GPC5: variants seen among roughly 807,000 people sequenced by gnomAD.
GPC5 encodes the protein glypican 5.
A neutral mutation model predicts 53.9 loss-of-function variants in GPC5; 47 were observed. That is an observed-to-expected ratio of 0.87 (90% CI 0.69 to 1.11). The LOEUF (loss-of-function observed/expected upper bound fraction) is 1.11. Among genes scored for constraint, GPC5 ranks in the 50% most tolerant of loss-of-function variants. GPC5 has a pLI of 0.00. For synonymous variants in GPC5, 286 were observed against 263.3 expected (o/e 1.09, Z -0.84); for missense variants, 748 against 713.1 (o/e 1.05, Z -0.56).
intron 2 of GPC5, among the ~76,000 whole-genome samples, chr13:91,665,914 C>T (rs2035101235): frequency 6.6e-6 from 1 of 152,188 alleles, no homozygotes; most frequent in Non-Finnish European, 1.5e-5. Flanking sequence ...CAAGTACTAA[C>T]ATTAAATTAG....
At chr13:91,544,564 G>C (rs999634734) in intron 2 of GPC5, among the ~76,000 whole-genome samples, 17 of 152,080 alleles carry the variant, frequency 1.1e-4, no homozygotes, top group Admixed American at 1.0e-3. Context: ...CTAAATTGTT[G>C]TTCAAAAAGT....
chr13:92,521,286 C>T (rs1480851812), intron 7 of GPC5, among the ~76,000 whole-genome samples: 2 of 152,078 alleles, frequency 1.3e-5, no homozygotes, highest in Non-Finnish European at 2.9e-5. Context: ...CTTTAAAGTT[C>T]ATATGGAAAC....
intron 7 of GPC5, among the ~76,000 whole-genome samples, chr13:92,854,152 T>G (rs1228406863): frequency 2.0e-5 from 3 of 150,650 alleles, no homozygotes; most frequent in African/African-American, 7.3e-5. Flanking sequence ...TGAGCTTTAA[T>G]TTATGTGCTA....
chr13:91,626,239 C>A (rs2033997149), intron 2 of GPC5, among the ~76,000 whole-genome samples: 1 of 152,074 alleles, frequency 6.6e-6, no homozygotes, highest in Non-Finnish European at 1.5e-5. Flanking sequence ...ACACTGAACA[C>A]AAATCAATAT....
At chr13:92,835,800 T>C (rs1239229444) in intron 7 of GPC5, among the ~76,000 whole-genome samples, 1 of 152,012 alleles carries the variant, frequency 6.6e-6, no homozygotes, top group Non-Finnish European at 1.5e-5. Context: ...CTCAACATCT[T>C]CACCAGAAAT....
chr13:91,903,671 T>C (rs1354571427), intron 5 of GPC5, among the ~76,000 whole-genome samples: 1 of 152,180 alleles, frequency 6.6e-6, no homozygotes. Context: ...GCAGTATTTT[T>C]CCTTATTTAT....
intron 7 of GPC5, among the ~76,000 whole-genome samples, chr13:92,363,658 C>T (rs2139284828): frequency 6.6e-6 from 1 of 151,734 alleles, no homozygotes; most frequent in East Asian, 1.9e-4. Flanking sequence ...GGACCCATAC[C>T]CTAGACAAAA....
At chr13:91,731,197 C>G (rs2036689659) in intron 4 of GPC5, among the ~76,000 whole-genome samples, 1 of 152,138 alleles carries the variant, frequency 6.6e-6, no homozygotes, top group Non-Finnish European at 1.5e-5. Flanking sequence ...GGTGTCAGGA[C>G]ATATTTGGAT....
At chr13:92,229,574 C>T (rs1351158211) in intron 7 of GPC5, among the ~76,000 whole-genome samples, 1 of 151,958 alleles carries the variant, frequency 6.6e-6, no homozygotes, top group Non-Finnish European at 1.5e-5. Context: ...ATGATGAAAT[C>T]AATGTGGACT....
intron 7 of GPC5, among the ~76,000 whole-genome samples, chr13:92,277,200 A>T (rs974755401): frequency 6.6e-6 from 1 of 152,040 alleles, no homozygotes; most frequent in Non-Finnish European, 1.5e-5. Context: ...ATTGTAGGGA[A>T]TTGACACCCA....
At chr13:92,793,762 G>A (rs1876555408) in intron 7 of GPC5, among the ~76,000 whole-genome samples, 1 of 152,118 alleles carries the variant, frequency 6.6e-6, no homozygotes, top group Non-Finnish European at 1.5e-5. Flanking sequence ...ACACCTCTAT[G>A]TAAATAAACT....
chr13:92,096,103 A>G (rs1368429264), intron 6 of GPC5, among the ~76,000 whole-genome samples: 2 of 152,210 alleles, frequency 1.3e-5, no homozygotes, highest in Non-Finnish European at 2.9e-5. Flanking sequence ...ACCACATGTC[A>G]GATGGGTAAT....
chr13:92,527,107 A>AAG lies in GPC5; in HGVS notation c.1562-339174_1562-339173insGA, dbSNP rs1555287000. 1.1e-3 allele frequency among the ~76,000 whole-genome samples: 46 copies of AAG among 40,030 alleles called. 4 individuals carry two copies. The highest frequency in any genetic ancestry group is 3.2e-3 in the African/African-American group (46 of 14,316). The allele number at this position is 40,030 out of a possible 152,430, so 26.3% of individuals were successfully genotyped here. On this transcript the variant is annotated intron_variant, in intron 7 of 7. Coordinates refer to ENST00000377067, the MANE Select transcript of GPC5 (RefSeq NM_004466.6). ...ATGAGATTCTGTAGGAAAAGAAAGA[A>AAG]AAAAGAAAGAAAGAAAGAAAGAAAG...
At chr13:92,722,848 A>G (rs1888541606) in intron 7 of GPC5, among the ~76,000 whole-genome samples, 1 of 151,838 alleles carries the variant, frequency 6.6e-6, no homozygotes, top group Non-Finnish European at 1.5e-5. Flanking sequence ...CATAAACTAA[A>G]TTTTAGATTA....
At chr13:92,203,306 C>T (rs2042308069) in intron 7 of GPC5, among the ~76,000 whole-genome samples, 1 of 149,254 alleles carries the variant, frequency 6.7e-6, no homozygotes, top group South Asian at 2.1e-4. Flanking sequence ...ACTATGCAGA[C>T]ATAAAAAATG....
intron 7 of GPC5, among the ~76,000 whole-genome samples, chr13:92,338,876 G>A (rs767816670): frequency 2.0e-4 from 30 of 151,958 alleles, no homozygotes; most frequent in East Asian, 5.8e-4. Context: ...AAATCCTAAC[G>A]TAAACTCTGG....
intron 5 of GPC5, among the ~76,000 whole-genome samples, chr13:91,794,435 T>C (rs948233609): frequency 2.6e-5 from 4 of 152,162 alleles, no homozygotes; most frequent in Admixed American, 2.6e-4. Context: ...CTAACACCTA[T>C]AAACCTCCAA....
chr13:92,539,963 T>A (rs1268958903), intron 7 of GPC5, among the ~76,000 whole-genome samples: 1 of 152,128 alleles, frequency 6.6e-6, no homozygotes, highest in East Asian at 1.9e-4. Flanking sequence ...GATTCTTTTC[T>A]GAATTTTCTA....
chr13:91,553,853 A>T (rs2030790527), intron 2 of GPC5, among the ~76,000 whole-genome samples: 1 of 152,110 alleles, frequency 6.6e-6, no homozygotes, highest in Non-Finnish European at 1.5e-5. Context: ...AGAAGAGTGA[A>T]ATTAAGGAGT....
Sources: allele counts gnomAD v4.1 joint callset (sites outside exome capture counted in the v4.1 genomes callset), GRCh38; gene constraint gnomAD v4.1.1; transcripts MANE v1.5; gene names NCBI Gene and HGNC (gene_info 2026-07-23, HGNC 2026-07-21).